The following PPP4R4 variants were observed in gnomAD, a reference collection of about 807,000 sequenced individuals.
PPP4R4 encodes serine/threonine-protein phosphatase 4 regulatory subunit 4.
In PPP4R4, 70 loss-of-function variants were observed where a neutral mutation model predicts 121.8. The observed-to-expected ratio is 0.57, with a 90% CI of 0.47 to 0.70. PPP4R4 has a LOEUF of 0.70. Ranked by LOEUF, PPP4R4 falls within the 30% of genes least tolerant of loss-of-function variation. The pLI, the probability that PPP4R4 is intolerant of heterozygous loss-of-function variation, is 0.00. For synonymous variants in PPP4R4, 348 were observed against 355.7 expected (o/e 0.98, Z 0.24); for missense variants, 875 against 1,033.6 (o/e 0.85, Z 2.10).
intron 2 of PPP4R4, among the ~76,000 whole-genome samples, chr14:94,180,788 C>T (rs1047106674): frequency 3.9e-5 from 6 of 151,924 alleles, no homozygotes; most frequent in South Asian, 4.2e-4. Context: ...CCACTGCCCC[C>T]GATCATAAAG....
chr14:94,194,437 G>T (rs958615251), intron 2 of PPP4R4, among the ~76,000 whole-genome samples: 1 of 152,122 alleles, frequency 6.6e-6, no homozygotes, highest in Non-Finnish European at 1.5e-5. Context: ...ATAGGAAGTT[G>T]TAGATTTTAA....
chr14:94,218,269 G>T (rs1891137356), intron 3 of PPP4R4, among the ~76,000 whole-genome samples: 1 of 152,072 alleles, frequency 6.6e-6, no homozygotes, highest in African/African-American at 2.4e-5. Flanking sequence ...AGAAATACTA[G>T]CCAGGACAAA....
chr14:94,245,907 A>G (rs1389243106), intron 13 of PPP4R4, among the ~76,000 whole-genome samples: 2 of 152,174 alleles, frequency 1.3e-5, no homozygotes, highest in Non-Finnish European at 2.9e-5. Flanking sequence ...GTTTATGTTC[A>G]TATTTTCATT....
intron 19 of PPP4R4, among the ~76,000 whole-genome samples, chr14:94,260,840 TTC>T (rs1335465761): frequency 6.6e-6 from 1 of 152,160 alleles, no homozygotes; most frequent in Non-Finnish European, 1.5e-5. Flanking sequence ...AGTTTATCAA[TTC>T]TTTCTTTGAT....
rs1211703179 is a variant in PPP4R4, at chr14:94,242,378, C to G, written c.1236C>G (p.Val412=). The G allele has an allele frequency of 6.2e-7, 1 of 1,610,402 alleles. No homozygotes were observed. Among genetic ancestry groups the G allele is most frequent in the Non-Finnish European group, 8.5e-7 (1 of 1,176,878 alleles). The change falls in exon 11 of 25, where the codon GTC becomes GTG. Residue 412 remains valine, a synonymous_variant. Transcript: ENST00000304338. ...FCLCHDPEVP[V]RYTIAICFYE... is the part of the protein sequence containing the mutation. Reference sequence around the variant, plus strand: ...TTTGCCATGACCCTGAAGTACCAGTCAGATACACTATTGCTATTTGCTTTT... The same window carrying G: ...TTTGCCATGACCCTGAAGTACCAGTGAGATACACTATTGCTATTTGCTTTT...
At chr14:94,264,176 T>A (rs1437526801) in intron 19 of PPP4R4, among the ~76,000 whole-genome samples, 1 of 152,132 alleles carries the variant, frequency 6.6e-6, no homozygotes, top group Non-Finnish European at 1.5e-5. Flanking sequence ...TGAGATGGAG[T>A]CTCACTCTGT....
rs138587065 is a variant in PPP4R4, at chr14:94,273,017, G to A, written c.2450-2357G>A. Among the ~76,000 whole-genome samples the A allele has an allele frequency of 6.4e-3, 969 of 152,264 alleles. 10 individuals are homozygous for A. The highest frequency in any genetic ancestry group is 0.021 in the African/African-American group (864 of 41,554). ...ATGCTGGTGAGGATGTGAAGCAATG[G>A]GAACTCTCATTCATTGCTGGTGGGA... On this transcript the variant is annotated intron_variant, in intron 23 of 24. Coordinates refer to ENST00000304338, the MANE Select transcript of PPP4R4 (RefSeq NM_058237.2).
chr14:94,277,775 GT>G (rs1490674889), intron 24 of PPP4R4, among the ~76,000 whole-genome samples: 1 of 151,978 alleles, frequency 6.6e-6, no homozygotes, highest in Non-Finnish European at 1.5e-5. Flanking sequence ...AACATACGTA[GT>G]ATGTAGTTAT....
chr14:94,224,209 G>A (rs1891569962), intron 3 of PPP4R4, among the ~76,000 whole-genome samples: 1 of 152,178 alleles, frequency 6.6e-6, no homozygotes, highest in Non-Finnish European at 1.5e-5. Flanking sequence ...AAAAGGAGTT[G>A]CCGAGACAGT....
At chr14:94,229,701 A>T (rs1352618485) in intron 3 of PPP4R4, among the ~76,000 whole-genome samples, 4 of 99,254 alleles carry the variant, frequency 4.0e-5, no homozygotes, top group Non-Finnish European at 7.0e-5. Context: ...CTGATATGAA[A>T]CTATTTTATG....
chr14:94,227,831 G>C (rs1470332846), intron 3 of PPP4R4: 2 of 986,418 alleles, frequency 2.0e-6, no homozygotes, highest in African/African-American at 3.5e-5. Flanking sequence ...CTAAATAAAA[G>C]CTGTGCCTTC....
chr14:94,277,348 A>G (rs1480262417), intron 24 of PPP4R4, among the ~76,000 whole-genome samples: 2 of 152,166 alleles, frequency 1.3e-5, no homozygotes, highest in African/African-American at 2.4e-5. Context: ...AATGGTGTAT[A>G]GAGAGCTTTG....
rs1156885296 is a variant in PPP4R4, at chr14:94,279,207, G to C, written c.*564G>C. 1 of 152,576 alleles carries C rather than the reference G, an allele frequency of 6.6e-6. No individual in the cohort carries two copies. The highest frequency in any genetic ancestry group is 1.5e-5 in the Non-Finnish European group (1 of 68,022). The allele number at this position is 152,576 out of a possible 1,614,324, so 9.5% of individuals were successfully genotyped here. A position where few individuals can be genotyped will look rare whatever the true frequency, so the allele number is the denominator to read the frequency against. ...ATTGTGGTGACAATATGTTGTACCCGGACATTCCCAAATTTAAATTTGGCA... is the reference window on the plus strand; with the variant it reads ...ATTGTGGTGACAATATGTTGTACCCCGACATTCCCAAATTTAAATTTGGCA... On this transcript the variant is annotated 3_prime_UTR_variant, in exon 25 of 25. Coordinates refer to ENST00000304338, the MANE Select transcript of PPP4R4 (RefSeq NM_058237.2).
intron 3 of PPP4R4, among the ~76,000 whole-genome samples, chr14:94,219,848 G>C (rs189452709): frequency 5.3e-5 from 8 of 152,266 alleles, no homozygotes; most frequent in Admixed American, 5.2e-4. Flanking sequence ...TGTAATCCCA[G>C]CTATTAGGAG....
chr14:94,245,734 T>A (rs1595519991), intron 13 of PPP4R4, 64 bp downstream of exon 13: 1 of 1,176,182 alleles, frequency 8.5e-7, no homozygotes, highest in East Asian at 2.5e-5. Flanking sequence ...ACAGGGTGTT[T>A]TGAGGCATCA....
chr14:94,223,223 T>C (rs2139503330), intron 3 of PPP4R4, among the ~76,000 whole-genome samples: 1 of 152,340 alleles, frequency 6.6e-6, no homozygotes, highest in South Asian at 2.1e-4. Context: ...TATTATCTTA[T>C]CTCCTTATAT....
At chr14:94,217,822 C>T (rs11621595) in intron 3 of PPP4R4, among the ~76,000 whole-genome samples, 19,261 of 151,976 alleles carry the variant, frequency 0.13, 1,342 homozygotes, top group Admixed American at 0.21. Flanking sequence ...TGGAGAAACC[C>T]CATCTCTAGT....
chr14:94,190,771 C>T (rs1257275595), intron 2 of PPP4R4, among the ~76,000 whole-genome samples: 1 of 152,048 alleles, frequency 6.6e-6, no homozygotes, highest in Non-Finnish European at 1.5e-5. Flanking sequence ...TAATGTTTTG[C>T]ATACCTTTCA....
At chr14:94,235,304 G>T (rs534760502) in intron 7 of PPP4R4, among the ~76,000 whole-genome samples, 1 of 151,770 alleles carries the variant, frequency 6.6e-6, no homozygotes, top group South Asian at 2.1e-4. Flanking sequence ...AGATGTTGAG[G>T]GCCGACTACA....
Sources: allele counts gnomAD v4.1 joint callset (sites outside exome capture counted in the v4.1 genomes callset), GRCh38; gene constraint gnomAD v4.1.1; transcripts MANE v1.5; gene names NCBI Gene and HGNC (gene_info 2026-07-23, HGNC 2026-07-21).